Variants in LMTK2 observed in about 807,000 individuals in gnomAD.
LMTK2 encodes the protein lemur tail kinase 2, also known as serine/threonine-protein kinase LMTK2.
In LMTK2, 37 loss-of-function variants were observed where a neutral mutation model predicts 127.5. The observed-to-expected ratio is 0.29, with a 90% CI of 0.22 to 0.38. LMTK2 has a LOEUF of 0.38. Ranked by LOEUF, LMTK2 falls within the 10% of genes least tolerant of loss-of-function variation. The probability of loss-of-function intolerance (pLI) is 1.00; values close to 1 mark genes in which losing one functional copy is unlikely to be tolerated. For missense variants in LMTK2, 1,694 were observed against 1,920.3 expected (o/e 0.88, Z 2.20); for synonymous variants, 819 against 810.1 (o/e 1.01, Z -0.19).
chr7:98,169,295 T>C (rs1797150810), intron 6 of LMTK2, among the ~76,000 whole-genome samples: 1 of 152,268 alleles, frequency 6.6e-6, no homozygotes, highest in Non-Finnish European at 1.5e-5. Context: ...TAAAATCCCT[T>C]TCTGTTGATT....
intron 2 of LMTK2, among the ~76,000 whole-genome samples, chr7:98,140,099 T>TTTCTTTCG: frequency 3.8e-4 from 1 of 2,622 alleles, no homozygotes; most frequent in African/African-American, 1.3e-3. Context: ...TCTTTCTTTC[T>TTTCTTTCG]TTCTTTCTTT....
chr7:98,194,229 A>G lies in LMTK2; in HGVS notation c.3764A>G (p.Lys1255Arg). 1 of 1,614,138 alleles carries G rather than the reference A, an allele frequency of 6.2e-7. No individual in the cohort carries two copies. ...KSLSSHSEGPKLKEPDIEGKY... is the reference protein window; with the variant it reads ...KSLSSHSEGPRLKEPDIEGKY... ...CTGTCCAGCCACTCCGAGGGCCCGAAGTTGAAGGAGCCGGACATCGAAGGG... is the reference window on the plus strand; with the variant it reads ...CTGTCCAGCCACTCCGAGGGCCCGAGGTTGAAGGAGCCGGACATCGAAGGG... The change falls in exon 11 of 14, where the codon AAG becomes AGG. Residue 1255 changes from lysine (K) to arginine (R), a missense_variant. Around this residue, in one of 8 missense-constraint regions of LMTK2, gnomAD observed 554 missense variants for 567.7 expected, o/e 0.98. Transcript: ENST00000297293. The surrounding 1 kb of genome is among the most constrained non-coding windows in gnomAD (Gnocchi z 5.4).
intron 11 of LMTK2, among the ~76,000 whole-genome samples, chr7:98,196,766 G>C (rs1376166110): frequency 1.3e-5 from 2 of 152,176 alleles, no homozygotes; most frequent in African/African-American, 2.4e-5. Flanking sequence ...TCTAGTTATG[G>C]GATGGAAGGT....
chr7:98,109,404 T>C (rs764438836), intron 1 of LMTK2, among the ~76,000 whole-genome samples: 38 of 152,036 alleles, frequency 2.5e-4, no homozygotes, highest in Non-Finnish European at 5.3e-4. Flanking sequence ...TGTTTTGACG[T>C]GTTGCATATG....
rs1373665075 is a variant in LMTK2, at chr7:98,171,213, C to G, written c.658-328C>G. 2.6e-5 allele frequency among the ~76,000 whole-genome samples: 4 copies of G among 152,186 alleles called. No individual in the cohort carries two copies. The highest frequency in any genetic ancestry group is 5.9e-5 in the Non-Finnish European group (4 of 68,040). On this transcript the variant is annotated intron_variant, in intron 6 of 13. Coordinates refer to ENST00000297293, the MANE Select transcript of LMTK2 (RefSeq NM_014916.4). The surrounding 1 kb of genome is among the most constrained non-coding windows in gnomAD (Gnocchi z 5.1). ...AGTGTGAGTGGCACCATTTCTTACA[C>G]TCTCCGTGTCATCTCCTAGGTAACC...
At chr7:98,132,293 C>T (rs889771516) in intron 1 of LMTK2, among the ~76,000 whole-genome samples, 13 of 152,148 alleles carry the variant, frequency 8.5e-5, no homozygotes, top group Non-Finnish European at 1.8e-4. Context: ...CTCTGTCGCC[C>T]AGGCTGGAGT....
At position 98,207,889 on chromosome 7, in the gene LMTK2, G is replaced by A. The variant is rs1797832849; in HGVS notation, c.*2397G>A. 6.6e-6 allele frequency: 1 copy of A among 152,034 alleles called. No individual in the cohort carries two copies. 9.4% of individuals were successfully genotyped at this position (152,034 alleles called of 1,614,324 possible). A position where few individuals can be genotyped will look rare whatever the true frequency, so the allele number is the denominator to read the frequency against. The stretch of plus-strand genomic sequence containing the variant: ...GATCACTTTGAGCCCAGGAGTTCAA[G>A]ACCAGCCTGGGCAACATGGCGAAAC... On this transcript the variant is annotated 3_prime_UTR_variant, in exon 14 of 14. Coordinates refer to ENST00000297293, the MANE Select transcript of LMTK2 (RefSeq NM_014916.4).
At chr7:98,154,192 T>C (rs1796894973) in intron 4 of LMTK2, among the ~76,000 whole-genome samples, 1 of 152,192 alleles carries the variant, frequency 6.6e-6, no homozygotes, top group South Asian at 2.1e-4. Flanking sequence ...CAGATTCTCA[T>C]TTCGTGTTCT....
chr7:98,166,305 C>A (rs1459469379), intron 6 of LMTK2, among the ~76,000 whole-genome samples: 12 of 152,338 alleles, frequency 7.9e-5, no homozygotes, highest in African/African-American at 2.9e-4. Context: ...TGGAGCCACA[C>A]GGAGTGGCAG....
rs995944831 is a variant in LMTK2 at position 98,192,922 on chromosome 7, C to T, written c.2457C>T (p.Ser819=). The T allele has an allele frequency of 5.6e-6, 9 of 1,614,136 alleles. No homozygotes were observed. Among genetic ancestry groups the T allele is most frequent in the Non-Finnish European group, 7.6e-6 (9 of 1,180,016 alleles). The part of the protein sequence containing the change: ...SSPEVQVPPT[S]FETEETPRRV... ...CGGAAGTGCAGGTACCTCCTACCTC[C>T]TTCGAAACAGAAGAAACGCCCCGTC... Residue 819 remains serine (S), a synonymous_variant, in exon 11 of 14, where the codon TCC becomes TCT. Coordinates refer to ENST00000297293, the MANE Select transcript of LMTK2 (RefSeq NM_014916.4).
chr7:98,137,071 A>T (rs1701193386), intron 1 of LMTK2, among the ~76,000 whole-genome samples: 1 of 152,252 alleles, frequency 6.6e-6, no homozygotes, highest in African/African-American at 2.4e-5. Flanking sequence ...CGATGTTAGC[A>T]TTAGTGGAAG....
intron 13 of LMTK2, among the ~76,000 whole-genome samples, chr7:98,204,940 G>T (rs927962102): frequency 1.3e-5 from 2 of 152,208 alleles, no homozygotes; most frequent in Non-Finnish European, 2.9e-5. Flanking sequence ...TGGAATGTTG[G>T]TTTTGCTGCT....
rs138353042 is a variant in LMTK2, at chr7:98,170,557, C to T, written c.658-984C>T. Among the ~76,000 whole-genome samples the T allele has an allele frequency of 5.8e-3, 872 of 150,572 alleles. 10 individuals carry two copies. Among genetic ancestry groups the T allele is most frequent in the African/African-American group, 0.02 (811 of 41,036 alleles). On this transcript the variant is annotated intron_variant, in intron 6 of 13. Coordinates refer to ENST00000297293, the MANE Select transcript of LMTK2 (RefSeq NM_014916.4). ...TCTTTTTTTTTTTTCTTTTTTTTCC[C>T]GCTCCCCGCCTCCAGCCGTCTTTTC...
rs1241242055 is a variant in LMTK2, at chr7:98,137,382, A to G, written c.171A>G (p.Ile57Met). Reference protein sequence around the residue: ...FVILCVCSLIILIVLIANCVS... With the variant: ...FVILCVCSLIMLIVLIANCVS... Reference sequence around the variant, plus strand: ...TCCTGTGTGTGTGCAGTTTAATAATATTAATAGTGTTAATTGCAAACTGTG... The same window carrying G: ...TCCTGTGTGTGTGCAGTTTAATAATGTTAATAGTGTTAATTGCAAACTGTG... The change falls in exon 2 of 14, where the codon ATA (isoleucine) becomes ATG (methionine). Residue 57 changes from isoleucine to methionine, a missense_variant. By Grantham distance (10) the Ile-to-Met change is conservative. This residue lies in a region of LMTK2 where 76 missense variants were observed against 82.0 expected (regional missense o/e 0.93). Transcript: ENST00000297293. The G allele has an allele frequency of 1.2e-6, 2 of 1,613,870 alleles. No individual in the cohort carries two copies. The highest frequency in any genetic ancestry group is 1.7e-5 in the Admixed American group (1 of 60,000).
At chr7:98,118,265 A>C (rs1275419471) in intron 1 of LMTK2, among the ~76,000 whole-genome samples, 1 of 152,232 alleles carries the variant, frequency 6.6e-6, no homozygotes, top group Non-Finnish European at 1.5e-5. Context: ...TTTTTAGAGT[A>C]ATAAATATAT....
At chr7:98,201,553 C>T (rs557752094) in intron 11 of LMTK2, among the ~76,000 whole-genome samples, 1 of 152,254 alleles carries the variant, frequency 6.6e-6, no homozygotes, top group African/African-American at 2.4e-5. Flanking sequence ...CTTTAGCTTT[C>T]AGCAGTTTGA....
At chr7:98,157,558 C>T (rs561208482) in intron 5 of LMTK2, among the ~76,000 whole-genome samples, 2 of 145,130 alleles carry the variant, frequency 1.4e-5, no homozygotes, top group South Asian at 2.2e-4. Context: ...TAATTGCTAA[C>T]AATTGGAAAA....
In LMTK2 at chr7:98,107,240, C is replaced by T. The variant is rs747590389; in HGVS notation, c.63C>T (p.Ala21=). The change falls in exon 1 of 14, where the codon GCC becomes GCT. Residue 21 remains alanine, a synonymous_variant. Transcript: ENST00000297293. ...TGCTGCTGCTGGTCCTCCTGATCGC[C>T]GGCAGTGCTGGGGCCGCGCCACTTC... ...LLLLLLVLLI[A]GSAGAAPLPQ... 194 of 1,458,540 alleles carry T rather than the reference C, an allele frequency of 1.3e-4. No homozygotes were observed. Among genetic ancestry groups the T allele is most frequent in the Middle Eastern group, 1.2e-3 (5 of 4,250 alleles). 90.3% of individuals were successfully genotyped at this position (1,458,540 alleles called of 1,614,324 possible).
intron 11 of LMTK2, among the ~76,000 whole-genome samples, chr7:98,202,118 G>GT (rs939461947): frequency 1.8e-4 from 27 of 149,486 alleles, no homozygotes; most frequent in South Asian, 4.2e-4. Context: ...CTTCCTCCAG[G>GT]TTTTTTTTTT....
Sources: gnomAD v4.1 joint callset for allele counts (sites outside exome capture counted in the v4.1 genomes callset) on GRCh38, gnomAD v4.1.1 for gene constraint, gnomAD v4.1.1 regional missense constraint, Gnocchi (gnomAD v3.1) non-coding constraint, MANE v1.5 for transcripts, NCBI Gene and HGNC (gene_info 2026-07-23, HGNC 2026-07-21) for gene names.